TCF20: variants seen among roughly 807,000 people sequenced by gnomAD.
TCF20 encodes the protein SPRE-binding protein.
A neutral mutation model predicts 148.6 loss-of-function variants in TCF20; 3 were observed. The observed-to-expected ratio is 0.02, with a 90% CI of 0.01 to 0.05. TCF20 has a LOEUF of 0.05. Ranked by LOEUF, TCF20 falls within the 10% of genes least tolerant of loss-of-function variation. TCF20 has a pLI of 1.00. For synonymous variants in TCF20, 1,049 were observed against 909.5 expected (o/e 1.15, Z -2.76); for missense variants, 2,350 against 2,429.3 (o/e 0.97, Z 0.69).
Position 42,213,825 on chromosome 22 carries a change from T to C in TCF20, c.1481A>G (p.Lys494Arg), listed in dbSNP as rs764139783. Residue 494 changes from lysine (K) to arginine (R), a missense_variant, in exon 2 of 6, where the codon AAA (lysine) becomes AGA (arginine). Lys to Arg is a conservative substitution (Grantham distance 26). Transcript: ENST00000677622. Reference protein sequence around the residue: ...KTSKRPSSSKKADSCTNSEGS... With the variant: ...KTSKRPSSSKRADSCTNSEGS... ...TTCAGAATTTGTGCAGCTATCTGCT[T>C]TCTTGGAAGATGAGGGCCTCTTGGA... is the stretch of plus-strand genomic sequence containing the variant. 2 of 1,614,174 alleles carry C rather than the reference T, an allele frequency of 1.2e-6. No individual in the cohort carries two copies. Among genetic ancestry groups the C allele is most frequent in the Non-Finnish European group, 1.7e-6 (2 of 1,180,034 alleles).
At chr22:42,218,454 T>TC (rs1922023470) in intron 1 of TCF20, among the ~76,000 whole-genome samples, 1 of 152,178 alleles carries the variant, frequency 6.6e-6, no homozygotes. Context: ...ATTAATTTTT[T>TC]CCCCTTGTGA....
chr22:42,241,092 C>T (rs1314644079), intron 1 of TCF20, among the ~76,000 whole-genome samples: 3 of 152,118 alleles, frequency 2.0e-5, no homozygotes, highest in African/African-American at 7.2e-5. Context: ...CTGACCTCAG[C>T]TGATCTGCCT....
Position 42,214,003 on chromosome 22 carries a change from A to G in TCF20, c.1303T>C (p.Phe435Leu), listed in dbSNP as rs1384994565. Residue 435 changes from phenylalanine to leucine, a missense_variant, in exon 2 of 6, where the codon TTC becomes CTC. By Grantham distance (22) the Phe-to-Leu change is conservative. Coordinates refer to ENST00000677622, the MANE Select transcript of TCF20 (RefSeq NM_001378418.1). ...MPSPNSHAAG[F>L]KGFGLEGVPE... ...ACCCCTTCTAGTCCAAACCCTTTGA[A>G]GCCTGCAGCATGAGAATTAGGACTG... is the stretch of plus-strand genomic sequence containing the variant. 1.9e-6 allele frequency: 3 copies of G among 1,614,056 alleles called. No individual in the cohort carries two copies. In the African/African-American group the frequency reaches 4.0e-5, roughly 22 times the overall value.
chr22:42,323,962 GTGGTGA>G (rs1288301375), intron 1 of TCF20, among the ~76,000 whole-genome samples: 51 of 116,256 alleles, frequency 4.4e-4, no homozygotes, highest in Non-Finnish European at 5.7e-4. Flanking sequence ...TATGGTGGTG[GTGGTGA>G]TGGTGGTGGT....
At position 42,210,607 on chromosome 22, in the gene TCF20, G is replaced by C; in HGVS notation, c.4699C>G (p.Pro1567Ala). The C allele has an allele frequency of 1.9e-6, 3 of 1,614,136 alleles. No homozygotes were observed. The highest frequency in any genetic ancestry group is 2.5e-6 in the Non-Finnish European group (3 of 1,180,028). ...PPPPPQPPQIPEGSADGEPKP... is the reference protein window; with the variant it reads ...PPPPPQPPQIAEGSADGEPKP... ...GGCTCTCCATCTGCAGAACCTTCTG[G>C]TATCTGTGGGGGCTGAGGGGGTGGA... The change falls in exon 2 of 6, where the codon CCA becomes GCA. Residue 1567 changes from proline to alanine, a missense_variant. Coordinates refer to ENST00000677622, the MANE Select transcript of TCF20 (RefSeq NM_001378418.1). The surrounding 1 kb of genome is among the most constrained non-coding windows in gnomAD (Gnocchi z 4.7).
chr22:42,306,653 G>A (rs924095951), intron 1 of TCF20, among the ~76,000 whole-genome samples: 29 of 152,156 alleles, frequency 1.9e-4, no homozygotes, highest in East Asian at 1.9e-4. Flanking sequence ...GGGTGCCTTC[G>A]CCTCAGGAGC....
chr22:42,243,951 A>G (rs946500141), intron 1 of TCF20, among the ~76,000 whole-genome samples: 3 of 152,184 alleles, frequency 2.0e-5, no homozygotes, highest in African/African-American at 7.2e-5. Context: ...TGGAACCCTC[A>G]CATATTGCTG....
chr22:42,286,092 C>A (rs1927026682), upstream of TCF20, among the ~76,000 whole-genome samples: 1 of 152,136 alleles, frequency 6.6e-6, no homozygotes, highest in Non-Finnish European at 1.5e-5. Context: ...CCCCTCTGAG[C>A]CTGCCTCACC....
At chr22:42,283,401 G>A (rs1601692247) in intron 1 of TCF20, among the ~76,000 whole-genome samples, 1 of 152,092 alleles carries the variant, frequency 6.6e-6, no homozygotes, top group Non-Finnish European at 1.5e-5. Context: ...ACGGGGGCGC[G>A]GCTGGATCTG....
At chr22:42,269,039 G>C (rs1192702486) in intron 1 of TCF20, among the ~76,000 whole-genome samples, 1 of 152,298 alleles carries the variant, frequency 6.6e-6, no homozygotes, top group South Asian at 2.1e-4. Flanking sequence ...AAAATTACCA[G>C]GGAAAGTAAC....
At chr22:42,172,527 C>T (rs1239916257) in intron 3 of TCF20, among the ~76,000 whole-genome samples, 1 of 152,186 alleles carries the variant, frequency 6.6e-6, no homozygotes, top group Non-Finnish European at 1.5e-5. Context: ...TACAAGGTGG[C>T]CTAGTCAACA....
Position 42,212,155 on chromosome 22 carries a change from G to A in TCF20, c.3151C>T (p.Pro1051Ser), listed in dbSNP as rs371576823. 33 of 1,614,082 alleles carry A rather than the reference G, an allele frequency of 2.0e-5. No homozygotes were observed. Among genetic ancestry groups the A allele is most frequent in the Non-Finnish European group, 2.5e-5 (30 of 1,180,050 alleles). ...AGGGTTTCTGAGTTGGGAGAAAAGGGAGTGTGTAAAGAACTCCGGTTAGCC... is the reference window on the plus strand; with the variant it reads ...AGGGTTTCTGAGTTGGGAGAAAAGGAAGTGTGTAAAGAACTCCGGTTAGCC... ...ERANRSSLHT[P>S]FSPNSETLAS... The change falls in exon 2 of 6, where the codon CCC becomes TCC. Residue 1051 changes from proline (P) to serine (S), a missense_variant. Pro to Ser is a moderately conservative substitution (Grantham distance 74). Transcript: ENST00000677622.
intron 1 of TCF20, among the ~76,000 whole-genome samples, chr22:42,264,816 T>C (rs1485694768): frequency 6.6e-6 from 1 of 152,252 alleles, no homozygotes; most frequent in African/African-American, 2.4e-5. Context: ...ACATTTCCCA[T>C]ACTTAGAATG....
rs1208039875 is a variant in TCF20, at chr22:42,279,387, G to A, written c.-37+4440C>T. ...AGCTACTTGGAAGGCTGAGGCTGGAGAATCACTTGAACCTGGGAGGCAGAG... is the reference window on the plus strand; with the variant it reads ...AGCTACTTGGAAGGCTGAGGCTGGAAAATCACTTGAACCTGGGAGGCAGAG... On this transcript the variant is annotated intron_variant, in intron 1 of 5. Coordinates refer to the TCF20 transcript ENST00000359486. The surrounding 1 kb of genome is among the most constrained non-coding windows in gnomAD (Gnocchi z 4.3). 6.6e-6 allele frequency among the ~76,000 whole-genome samples: 1 copy of A among 152,170 alleles called. No individual in the cohort carries two copies. Among genetic ancestry groups the A allele is most frequent in the Non-Finnish European group, 1.5e-5 (1 of 68,020 alleles).
chr22:42,182,898 G>A (rs751759489), intron 2 of TCF20, among the ~76,000 whole-genome samples: 1 of 152,064 alleles, frequency 6.6e-6, no homozygotes, highest in Non-Finnish European at 1.5e-5. Flanking sequence ...CACCACACCT[G>A]GCAACTTTTT....
intron 2 of TCF20, among the ~76,000 whole-genome samples, chr22:42,207,196 A>T (rs894049485): frequency 2.0e-5 from 3 of 152,124 alleles, no homozygotes; most frequent in Admixed American, 2.0e-4. Flanking sequence ...CATCCACTGA[A>T]AACAGGCGGG....
At chr22:42,271,347 G>A (rs571983551), upstream of TCF20, among the ~76,000 whole-genome samples, 1 of 152,380 alleles carries the variant, frequency 6.6e-6, no homozygotes, top group East Asian at 1.9e-4. Flanking sequence ...GCATTAAGAA[G>A]CTGCAATGCC....
At chr22:42,190,850 G>A (rs984713236) in intron 2 of TCF20, among the ~76,000 whole-genome samples, 3 of 152,032 alleles carry the variant, frequency 2.0e-5, no homozygotes, top group African/African-American at 7.3e-5. Flanking sequence ...CTACCAAGGT[G>A]CCCACAAAAA....
rs756419623 is a variant in TCF20, at chr22:42,213,499, T to C, written c.1807A>G (p.Thr603Ala). ...TCCCGGGAGACAATCACCCCAACAG[T>C]CTTCTCATTAACCTTTGGGTTCCCG... The part of the protein sequence containing the change: ...SDGNPKVNEK[T>A]VGVIVSREAM... Residue 603 changes from threonine to alanine, a missense_variant, in exon 2 of 6, where the codon ACT becomes GCT. Physicochemically the swap from Thr to Ala is moderately conservative, Grantham distance 58. Around this residue, in one of 7 missense-constraint regions of TCF20, gnomAD observed 1,641 missense variants for 1,662.6 expected, o/e 0.99. Transcript: ENST00000677622. 3 of 1,614,090 alleles carry C rather than the reference T, an allele frequency of 1.9e-6. No homozygotes were observed. The African/African-American group carries it at 4.0e-5, about 22-fold the overall frequency.
Sources: gnomAD v4.1 joint callset for allele counts (sites outside exome capture counted in the v4.1 genomes callset) on GRCh38, gnomAD v4.1.1 for gene constraint, gnomAD v4.1.1 regional missense constraint, Gnocchi (gnomAD v3.1) non-coding constraint, MANE v1.5 for transcripts, NCBI Gene and HGNC (gene_info 2026-07-23, HGNC 2026-07-21) for gene names.